The following XYLT1 variants were observed in gnomAD, a reference collection of about 807,000 sequenced individuals.
XYLT1 encodes beta-D-xylosyltransferase 1.
XYLT1 carries 36 observed loss-of-function variants against 91.3 expected under a neutral mutation model. The observed-to-expected ratio is 0.39, with a 90% CI of 0.30 to 0.52. XYLT1 has a LOEUF of 0.52. Ranked by LOEUF, XYLT1 falls within the 20% of genes least tolerant of loss-of-function variation. The probability of loss-of-function intolerance (pLI) is 0.68; values close to 1 mark genes in which losing one functional copy is unlikely to be tolerated. For synonymous variants in XYLT1, 588 were observed against 532.0 expected, an observed-to-expected ratio of 1.11 and a Z score of -1.45; for missense variants, 1,242 against 1,284.5, an observed-to-expected ratio of 0.97 and a Z score of 0.51.
At position 17,104,131 on chromosome 16, in the gene XYLT1, G is replaced by A. The variant is rs548778012; in HGVS notation, c.*4564C>T. ...GAGGCAGAAGCAAACAGGACATCCC[G>A]TGAGCCAGCACAGCTCTATGTGGTT... On this transcript the variant is annotated 3_prime_UTR_variant, in exon 12 of 12. Coordinates refer to ENST00000261381, the MANE Select transcript of XYLT1 (RefSeq NM_022166.4). The A allele has an allele frequency of 2.4e-4, 36 of 152,940 alleles. No homozygotes were observed. Among genetic ancestry groups the A allele is most frequent in the African/African-American group, 6.7e-4 (28 of 41,572 alleles). 9.5% of individuals were successfully genotyped at this position (152,940 alleles called of 1,614,324 possible). A position where few individuals can be genotyped will look rare whatever the true frequency, so the allele number is the denominator to read the frequency against.
At chr16:17,187,325 C>T (rs969013824) in intron 5 of XYLT1, among the ~76,000 whole-genome samples, 5 of 136,854 alleles carry the variant, frequency 3.7e-5, no homozygotes, top group South Asian at 2.4e-4. Flanking sequence ...ACCAGGGAGG[C>T]GGAGCTTGCA....
chr16:17,415,197 T>C (rs1331937633), intron 1 of XYLT1, among the ~76,000 whole-genome samples: 1 of 151,910 alleles, frequency 6.6e-6, no homozygotes, highest in Non-Finnish European at 1.5e-5. Context: ...CTCCAAAAAC[T>C]CTCCTCTCCT....
intron 2 of XYLT1, among the ~76,000 whole-genome samples, chr16:17,311,300 A>C (rs980580673): frequency 1.3e-5 from 2 of 152,190 alleles, no homozygotes; most frequent in African/African-American, 2.4e-5. Flanking sequence ...TAGAACCTGC[A>C]TCTTAACTAG....
At chr16:17,338,198 C>G (rs1394939202) in intron 2 of XYLT1, 11 of 456,388 alleles carry the variant, frequency 2.4e-5, no homozygotes, top group Non-Finnish European at 4.8e-5. Context: ...TGCCTCTAGG[C>G]TCACTTCTGC....
intron 1 of XYLT1, among the ~76,000 whole-genome samples, chr16:17,426,684 G>A (rs1171129596): frequency 6.6e-6 from 1 of 152,198 alleles, no homozygotes; most frequent in Non-Finnish European, 1.5e-5. Flanking sequence ...CGCCCACTAA[G>A]TTATTGCCTC....
intron 2 of XYLT1, among the ~76,000 whole-genome samples, chr16:17,300,962 A>G (rs1378011429): frequency 1.3e-5 from 2 of 152,116 alleles, no homozygotes; most frequent in African/African-American, 4.8e-5. Context: ...AACTCTGGGT[A>G]TGTTACTTTA....
At chr16:17,287,355 C>T (rs1377507680) in intron 2 of XYLT1, among the ~76,000 whole-genome samples, 1 of 152,062 alleles carries the variant, frequency 6.6e-6, no homozygotes, top group Non-Finnish European at 1.5e-5. Flanking sequence ...TAGACGGATC[C>T]CTCTAGATCA....
At chr16:17,285,586 A>C (rs1292741249) in intron 2 of XYLT1, among the ~76,000 whole-genome samples, 1 of 152,136 alleles carries the variant, frequency 6.6e-6, no homozygotes, top group African/African-American at 2.4e-5. Context: ...TGCAAATTTC[A>C]CCATCATGCC....
At chr16:17,467,401 A>G (rs2036912676) in intron 1 of XYLT1, among the ~76,000 whole-genome samples, 1 of 152,176 alleles carries the variant, frequency 6.6e-6, no homozygotes, top group African/African-American at 2.4e-5. Context: ...TCCCTTTATA[A>G]GGGAGTCCAT....
rs375367415 is a variant in XYLT1, at chr16:17,398,820, C to CCCCA, written c.364-40771_364-40770insTGGG. Among the ~76,000 whole-genome samples, 118 of 69,184 alleles carry CCCCA rather than the reference C, an allele frequency of 1.7e-3. 8 individuals are homozygous for CCCCA. Among genetic ancestry groups the CCCCA allele is most frequent in the South Asian group, 9.2e-3 (15 of 1,636 alleles). The allele number at this position is 69,184 out of a possible 152,430, so 45.4% of individuals were successfully genotyped here. A position where few individuals can be genotyped will look rare whatever the true frequency, so the allele number is the denominator to read the frequency against. On this transcript the variant is annotated intron_variant, in intron 1 of 11. Coordinates refer to ENST00000261381, the MANE Select transcript of XYLT1 (RefSeq NM_022166.4). ...CATGGCTATGTCCAAATGTCCCCGC[C>CCCCA]CCCCCCCACTGTTTTTTTGTTTTGT...
intron 8 of XYLT1, 197 bp downstream of exon 8, chr16:17,138,148 TTAATGAGTCA>T: frequency 1.8e-6 from 1 of 541,218 alleles, no homozygotes; most frequent in East Asian, 2.9e-5. Context: ...TGTTTTTGGG[TTAATGAGTCA>T]ATGTGGTTAG....
At chr16:17,196,769 C>G (rs2032433940) in intron 5 of XYLT1, among the ~76,000 whole-genome samples, 1 of 151,988 alleles carries the variant, frequency 6.6e-6, no homozygotes, top group African/African-American at 2.4e-5. Flanking sequence ...AAAAGCTGCC[C>G]TCTCAAGAGA....
chr16:17,376,074 AG>A (rs1363246136), intron 1 of XYLT1, among the ~76,000 whole-genome samples: 1 of 152,262 alleles, frequency 6.6e-6, no homozygotes, highest in African/African-American at 2.4e-5. Context: ...TGTGGATCAC[AG>A]CCAGCGTTGC....
intron 3 of XYLT1, among the ~76,000 whole-genome samples, chr16:17,211,391 C>A (rs993988484): frequency 1.3e-5 from 2 of 152,098 alleles, no homozygotes; most frequent in African/African-American, 4.8e-5. Flanking sequence ...TTTAGGGGCC[C>A]AGGAGGGTTT....
intron 11 of XYLT1, among the ~76,000 whole-genome samples, chr16:17,109,972 A>G (rs1200088295): frequency 6.6e-6 from 1 of 152,162 alleles, no homozygotes; most frequent in East Asian, 1.9e-4. Context: ...TGGGAGGTCA[A>G]ACTAGCTCTC....
intron 2 of XYLT1, among the ~76,000 whole-genome samples, chr16:17,338,746 A>T (rs551129773): frequency 6.6e-6 from 1 of 152,202 alleles, no homozygotes; most frequent in Admixed American, 6.5e-5. Flanking sequence ...CACCACAACT[A>T]ACTAATTTTT....
intron 2 of XYLT1, among the ~76,000 whole-genome samples, chr16:17,325,274 G>T (rs902089554): frequency 6.6e-6 from 1 of 152,130 alleles, no homozygotes; most frequent in Non-Finnish European, 1.5e-5. Context: ...GGTGGCGTGC[G>T]CCTGTAATCC....
intron 1 of XYLT1, among the ~76,000 whole-genome samples, chr16:17,397,834 T>A (rs1026543522): frequency 2.7e-5 from 4 of 149,670 alleles, no homozygotes; most frequent in Admixed American, 2.7e-4. Flanking sequence ...GCTCTTTTTT[T>A]TTTTTTTTTT....
intron 6 of XYLT1, among the ~76,000 whole-genome samples, chr16:17,148,285 C>G (rs2031190857): frequency 6.6e-6 from 1 of 152,184 alleles, no homozygotes; most frequent in Non-Finnish European, 1.5e-5. Flanking sequence ...GGATGACATC[C>G]CTCCCCCATG....
Sources: gnomAD v4.1 joint callset for allele counts (sites outside exome capture counted in the v4.1 genomes callset) on GRCh38, gnomAD v4.1.1 for gene constraint, MANE v1.5 for transcripts, NCBI Gene and HGNC (gene_info 2026-07-23, HGNC 2026-07-21) for gene names.